The following SYT16 variants were observed in gnomAD, a reference collection of about 807,000 sequenced individuals.
The protein encoded by SYT16 is synaptotagmin 16.
A neutral mutation model predicts 61.4 loss-of-function variants in SYT16; 42 were observed. That is an observed-to-expected ratio of 0.68 (90% CI 0.53 to 0.89). The LOEUF (loss-of-function observed/expected upper bound fraction) is 0.89, where lower values mean the gene tolerates loss of function less well. Ranked by LOEUF, SYT16 falls within the 40% of genes least tolerant of loss-of-function variation. The probability of loss-of-function intolerance (pLI) is 0.00; values close to 1 mark genes in which losing one functional copy is unlikely to be tolerated. For synonymous variants in SYT16, 314 were observed against 302.3 expected, an observed-to-expected ratio of 1.04 and a Z score of -0.40; for missense variants, 804 against 807.3, an observed-to-expected ratio of 1.00 and a Z score of 0.05.
At chr14:62,095,852 A>G (rs1426741271) in intron 7 of SYT16, among the ~76,000 whole-genome samples, 1 of 152,056 alleles carries the variant, frequency 6.6e-6, no homozygotes, top group African/African-American at 2.4e-5. Context: ...AATAACTAAA[A>G]TAGCTTTTAA....
intron 1 of SYT16, among the ~76,000 whole-genome samples, chr14:61,838,479 T>C (rs916234259): frequency 1.3e-5 from 2 of 152,192 alleles, no homozygotes; most frequent in Non-Finnish European, 2.9e-5. Context: ...CCATCTACTG[T>C]TGGCTTTCTG....
At chr14:61,848,345 G>C (rs1377372835) in intron 1 of SYT16, among the ~76,000 whole-genome samples, 4 of 152,184 alleles carry the variant, frequency 2.6e-5, no homozygotes, top group Non-Finnish European at 5.9e-5. Flanking sequence ...GGTGGTCTTG[G>C]ATAAAATCTG....
At chr14:61,911,325 T>C (rs2021427) in intron 1 of SYT16, among the ~76,000 whole-genome samples, 138,309 of 152,110 alleles carry the variant, frequency 0.91, 63,012 homozygotes, top group East Asian at 0.98. Flanking sequence ...CTTTAATGTT[T>C]GGCCCTGATT....
rs117768354 is a variant in SYT16, at chr14:62,072,670, G to C, written c.737-2465G>C. Among the ~76,000 whole-genome samples the C allele has an allele frequency of 2.6e-5, 4 of 152,030 alleles. No homozygotes were observed. The East Asian group carries it at 7.7e-4, about 29-fold the overall frequency. On this transcript the variant is annotated intron_variant, in intron 4 of 7. Transcript: ENST00000683842. ...TTAATCACATCTATAAAATACCTTCGCAGCAATACCTAGATTTAGTGTTTG... is the reference window on the plus strand; with the variant it reads ...TTAATCACATCTATAAAATACCTTCCCAGCAATACCTAGATTTAGTGTTTG...
intron 1 of SYT16, among the ~76,000 whole-genome samples, chr14:61,960,901 T>C (rs181575912): frequency 2.6e-5 from 4 of 152,260 alleles, no homozygotes; most frequent in African/African-American, 9.6e-5. Context: ...AACAGCATGG[T>C]ATTGGCACAG....
chr14:61,994,430 C>T (rs1050612513), intron 2 of SYT16, among the ~76,000 whole-genome samples: 4 of 152,250 alleles, frequency 2.6e-5, no homozygotes, highest in Middle Eastern at 3.4e-3. Context: ...CTAGGTGTTT[C>T]TGACACACCA....
intron 5 of SYT16, among the ~76,000 whole-genome samples, chr14:62,077,851 G>C (rs926350857): frequency 6.6e-6 from 1 of 152,118 alleles, no homozygotes; most frequent in Non-Finnish European, 1.5e-5. Flanking sequence ...GGAGTTCTTA[G>C]GACAGTCAGG....
intron 1 of SYT16, among the ~76,000 whole-genome samples, chr14:61,858,936 C>G (rs1660667): frequency 0.51 from 76,054 of 149,784 alleles, 19,841 homozygotes; most frequent in African/African-American, 0.63. Context: ...CTCACTGCAA[C>G]CTCCGCCTCC....
chr14:61,838,425 C>T (rs1398492825), intron 1 of SYT16, among the ~76,000 whole-genome samples: 1 of 152,186 alleles, frequency 6.6e-6, no homozygotes, highest in African/African-American at 2.4e-5. Context: ...ACCCTCCCAG[C>T]TGTTCACCCA....
chr14:62,085,565 A>T (rs763396775), intron 7 of SYT16, among the ~76,000 whole-genome samples: 10 of 152,192 alleles, frequency 6.6e-5, no homozygotes, highest in Non-Finnish European at 1.2e-4. Flanking sequence ...CACCACTGGA[A>T]AAGAGTCATC....
At chr14:62,031,977 A>G (rs1322919189) in intron 3 of SYT16, among the ~76,000 whole-genome samples, 1 of 152,198 alleles carries the variant, frequency 6.6e-6, no homozygotes, top group Non-Finnish European at 1.5e-5. Context: ...GAAAGGCAGC[A>G]GCACAATTTG....
At chr14:61,931,680 A>G (rs2049774868) in intron 1 of SYT16, among the ~76,000 whole-genome samples, 1 of 152,050 alleles carries the variant, frequency 6.6e-6, no homozygotes, top group Non-Finnish European at 1.5e-5. Context: ...TTTTTTCCCT[A>G]TTGTGAACAG....
At chr14:61,959,282 C>T (rs1397908333) in intron 1 of SYT16, among the ~76,000 whole-genome samples, 1 of 152,104 alleles carries the variant, frequency 6.6e-6, no homozygotes, top group Admixed American at 6.6e-5. Flanking sequence ...TAAGGGCTTA[C>T]TATTGCCATA....
At chr14:62,057,545 G>A (rs1482683472) in intron 3 of SYT16, among the ~76,000 whole-genome samples, 1 of 152,140 alleles carries the variant, frequency 6.6e-6, no homozygotes. Context: ...AATACAGTGG[G>A]GAGTAGAGAA....
Position 61,814,974 on chromosome 14 carries a change from T to C in SYT16, c.-325+2164T>C, listed in dbSNP as rs74054899. Among the ~76,000 whole-genome samples the C allele has an allele frequency of 5.8e-3, 886 of 152,366 alleles. 5 individuals are homozygous for C. The highest frequency in any genetic ancestry group is 0.02 in the African/African-American group (845 of 41,582). ...AGATACAGAATTCTTTAGTTAGCTCTGGTTCTTAGTCCTAGTTGCATATTA... is the reference window on the plus strand; with the variant it reads ...AGATACAGAATTCTTTAGTTAGCTCCGGTTCTTAGTCCTAGTTGCATATTA... On this transcript the variant is annotated intron_variant, in intron 1 of 7. Transcript: ENST00000683842.
intron 3 of SYT16, among the ~76,000 whole-genome samples, chr14:62,066,614 C>T (rs2056070830): frequency 6.6e-6 from 1 of 152,200 alleles, no homozygotes; most frequent in Admixed American, 6.5e-5. Context: ...TGGCTTCTGA[C>T]TCAGAAGTGA....
chr14:61,970,380 T>A (rs2140525718), intron 2 of SYT16, 69 bp downstream of exon 2: 1 of 152,342 alleles, frequency 6.6e-6, no homozygotes, highest in Non-Finnish European at 1.5e-5. Context: ...GTGGACATGA[T>A]GAATCGACTT....
At chr14:61,845,536 G>T (rs1417073304) in intron 1 of SYT16, among the ~76,000 whole-genome samples, 1 of 152,156 alleles carries the variant, frequency 6.6e-6, no homozygotes, top group African/African-American at 2.4e-5. Context: ...AGTATCAGTT[G>T]TAATGTCTTC....
At chr14:61,946,425 A>G (rs2050440043) in intron 1 of SYT16, among the ~76,000 whole-genome samples, 2 of 152,136 alleles carry the variant, frequency 1.3e-5, no homozygotes, top group African/African-American at 4.8e-5. Flanking sequence ...GGACGGTAGG[A>G]GGGGGGTGAG....
Sources: allele counts gnomAD v4.1 joint callset (sites outside exome capture counted in the v4.1 genomes callset), GRCh38; gene constraint gnomAD v4.1.1; transcripts MANE v1.5; gene names NCBI Gene and HGNC (gene_info 2026-07-23, HGNC 2026-07-21).